Variants in SCAND1 observed in about 807,000 individuals in gnomAD.
SCAND1 encodes SCAN domain-containing protein 1.
Under a neutral mutation model 3.4 loss-of-function variants are expected in SCAND1, and 3 were observed. The observed-to-expected ratio is 0.87, with a 90% CI of 0.40 to 2.25. The LOEUF (loss-of-function observed/expected upper bound fraction) is 2.25. SCAND1 is among the 30% of genes most tolerant of loss of function. The pLI is 0.05. For synonymous variants in SCAND1, 152 were observed against 120.5 expected (o/e 1.26, Z -1.72); for missense variants, 303 against 258.8 (o/e 1.17, Z -1.17).
In SCAND1 at chr20:35,954,059, G is replaced by A. The variant is rs2056212002; in HGVS notation, c.226C>T (p.Leu76Phe). The stretch of plus-strand genomic sequence containing the variant: ...GCTACGCTCACGGGTGCGGGCCCGA[G>A]AGGCAGCTCCAGGGCCGCGGAGGCC... ...AAASAALELP[L>F]GPAPVSVAPQ... The change falls in exon 2 of 2, where the codon CTC becomes TTC. Residue 76 changes from leucine (L) to phenylalanine (F), a missense_variant. Transcript: ENST00000305978. The A allele has an allele frequency of 6.5e-7, 1 of 1,540,460 alleles. No homozygotes were observed. Among genetic ancestry groups the A allele is most frequent in the Non-Finnish European group, 8.8e-7 (1 of 1,141,564 alleles).
chr20:35,957,653 A>G (rs1450847509), upstream of SCAND1: 1 of 152,216 alleles, frequency 6.6e-6, no homozygotes, highest in Non-Finnish European at 1.5e-5. Flanking sequence ...TATATCCTTG[A>G]ACCCTCCCAG....
In SCAND1 at chr20:35,954,255, GGCC is replaced by G. The variant is rs1322510139; in HGVS notation, c.27_29del (p.Ala10del). On this transcript the variant is annotated inframe_deletion, in exon 2 of 2. Transcript: ENST00000305978. Reference sequence around the variant, plus strand: ...GTGGCACCGCCGCGGGACTCCCAGTGGCCGCCAAGATCGGCTCCGTAGCCGCCA... The same window carrying G: ...GTGGCACCGCCGCGGGACTCCCAGTGGCCAAGATCGGCTCCGTAGCCGCCA... The G allele has an allele frequency of 5.0e-6, 8 of 1,613,126 alleles. No homozygotes were observed. The highest frequency in any genetic ancestry group is 1.3e-5 in the African/African-American group (1 of 75,058).
upstream of SCAND1, chr20:35,954,568 T>C: frequency 6.9e-7 from 1 of 1,458,894 alleles, no homozygotes; most frequent in South Asian, 1.2e-5. Flanking sequence ...CCCTCTAGCG[T>C]TCTCGAGTCG....
upstream of SCAND1, chr20:35,959,330 T>C (rs539995112): frequency 1.1e-4 from 16 of 151,444 alleles, no homozygotes; most frequent in Admixed American, 6.6e-4. Flanking sequence ...TTATTATTAG[T>C]GTATTAGTCT....
rs2056209322 is a variant in SCAND1 at position 35,953,990 on chromosome 20, C to T, written c.295G>A (p.Gly99Ser). Reference protein sequence around the residue: ...AEARSTPGPAGSRLGPETFRQ... With the variant: ...AEARSTPGPASSRLGPETFRQ... ...AACGTCTCGGGACCGAGTCTAGAGC[C>T]GGCGGGGCCTGGTGTGGAGCGCGCT... is the stretch of plus-strand genomic sequence containing the variant. Residue 99 changes from glycine (G) to serine (S), a missense_variant, in exon 2 of 2, where the codon GGC becomes AGC. By Grantham distance (56) the Gly-to-Ser change is moderately conservative. Transcript: ENST00000305978. The T allele has an allele frequency of 6.4e-7, 1 of 1,552,232 alleles. No individual in the cohort carries two copies. The highest frequency in any genetic ancestry group is 1.2e-5 in the South Asian group (1 of 84,760).
At chr20:35,959,048 CT>C (rs1461309906), upstream of SCAND1, 2 of 152,122 alleles carry the variant, frequency 1.3e-5, no homozygotes, top group African/African-American at 4.8e-5. Flanking sequence ...TTGTCTCCAC[CT>C]TTGAGCTGTT....
Position 35,954,136 on chromosome 20 carries a change from G to C in SCAND1, c.149C>G (p.Pro50Arg), listed in dbSNP as rs1202694385. ...AGGGACCGCGGCGTTGGGACTGGAA[G>C]GCTCAGGGGCAGGCGGTGAGGCCTC... ...LPEASPPAPE[P>R]SSPNAAVPEA... Residue 50 changes from proline (P) to arginine (R), a missense_variant, in exon 2 of 2, where the codon CCT (proline) becomes CGT (arginine). Coordinates refer to ENST00000305978, the MANE Select transcript of SCAND1 (RefSeq NM_033630.3). 1.3e-6 allele frequency: 2 copies of C among 1,568,748 alleles called. No homozygotes were observed. The highest frequency in any genetic ancestry group is 1.7e-6 in the Non-Finnish European group (2 of 1,156,882).
At chr20:35,954,563 T>G, upstream of SCAND1, 3 of 1,464,880 alleles carry the variant, frequency 2.0e-6, no homozygotes, top group Non-Finnish European at 9.1e-7. Flanking sequence ...CGGCGCCCTC[T>G]AGCGTTCTCG....
upstream of SCAND1, chr20:35,954,512 GGC>G: frequency 7.2e-6 from 11 of 1,532,472 alleles, no homozygotes; most frequent in Non-Finnish European, 9.7e-6. Context: ...CGTCCAGGTC[GGC>G]GCGCGAGCAC....
chr20:35,954,575 G>A (rs1408262239), upstream of SCAND1: 31 of 1,453,178 alleles, frequency 2.1e-5, no homozygotes, highest in Non-Finnish European at 2.8e-5. Flanking sequence ...GCGTTCTCGA[G>A]TCGCATGAGG....
rs930339011 is a variant in SCAND1, at chr20:35,953,804, G to A, written c.481C>T (p.Pro161Ser). Reference protein sequence around the residue: ...LVQEQLLAILPEAARARRIRR... With the variant: ...LVQEQLLAILSEAARARRIRR... Reference sequence around the variant, plus strand: ...ATCCGCCGGGCCCGAGCCGCCTCGGGCAGGATGGCGAGCAGCTGCTCTTGC... The same window carrying A: ...ATCCGCCGGGCCCGAGCCGCCTCGGACAGGATGGCGAGCAGCTGCTCTTGC... The change falls in exon 2 of 2, where the codon CCC becomes TCC. Residue 161 changes from proline to serine, a missense_variant. Coordinates refer to ENST00000305978, the MANE Select transcript of SCAND1 (RefSeq NM_033630.3). 23 of 1,539,518 alleles carry A rather than the reference G, an allele frequency of 1.5e-5. No individual in the cohort carries two copies. The highest frequency in any genetic ancestry group is 1.9e-5 in the Non-Finnish European group (22 of 1,145,218).
Position 35,954,329 on chromosome 20 carries a change from C to G in SCAND1, c.-45G>C. ...ACTCTTTGTCCGGTAGCTGTGTGCTCAGCACTGCGTCTGCGCGGGGGTGGG... is the reference window on the plus strand; with the variant it reads ...ACTCTTTGTCCGGTAGCTGTGTGCTGAGCACTGCGTCTGCGCGGGGGTGGG... On this transcript the variant is annotated 5_prime_UTR_variant, in exon 2 of 2. Transcript: ENST00000305978. The G allele has an allele frequency of 6.2e-7, 1 of 1,612,092 alleles. No homozygotes were observed. The highest frequency in any genetic ancestry group is 1.1e-5 in the South Asian group (1 of 90,692).
upstream of SCAND1, among the ~76,000 whole-genome samples, chr20:35,955,632 TA>T (rs1381017902): frequency 2.0e-5 from 3 of 152,182 alleles, no homozygotes; most frequent in Admixed American, 2.0e-4. Flanking sequence ...TTCTTATCAG[TA>T]AAATGTGGAT....
rs773188060 is a variant in SCAND1 at position 35,953,721 on chromosome 20, C to G, written c.*24G>C. The stretch of plus-strand genomic sequence containing the variant: ...CCCCAGTCCGCACAGAGCGCCCGGC[C>G]CTGGCCGCCCGCAGCTCCACCGCTC... On this transcript the variant is annotated 3_prime_UTR_variant, in exon 2 of 2. Transcript: ENST00000305978. The G allele has an allele frequency of 7.1e-7, 1 of 1,405,312 alleles. No individual in the cohort carries two copies. The highest frequency in any genetic ancestry group is 2.8e-5 in the East Asian group (1 of 35,988). The allele number at this position is 1,405,312 out of a possible 1,614,324, so 87.1% of individuals were successfully genotyped here.
In SCAND1 at chr20:35,954,243, G is replaced by A. The variant is rs1360328666; in HGVS notation, c.42C>T (p.Pro14=). 1.2e-6 allele frequency: 2 copies of A among 1,612,964 alleles called. No homozygotes were observed. The highest frequency in any genetic ancestry group is 1.7e-6 in the Non-Finnish European group (2 of 1,179,928). The change falls in exon 2 of 2, where the codon CCC becomes CCT. Residue 14 remains proline (P), a synonymous_variant. Transcript: ENST00000305978. ...CCAGTTTCTCCGGTGGCACCGCCGC[G>A]GGACTCCCAGTGGCCGCCAAGATCG... The part of the protein sequence containing the change: ...TEPILAATGS[P]AAVPPEKLEG...
chr20:35,958,679 T>C (rs1228242986), upstream of SCAND1, among the ~76,000 whole-genome samples: 1 of 152,034 alleles, frequency 6.6e-6, no homozygotes, highest in East Asian at 1.9e-4. Flanking sequence ...TGCAATTTTA[T>C]CGTGTGTGGA....
rs556551814 is a variant in SCAND1 at position 35,954,486 on chromosome 20, G to A, written c.-94C>T. The A allele has an allele frequency of 5.8e-6, 9 of 1,545,114 alleles. No individual in the cohort carries two copies. The highest frequency in any genetic ancestry group is 4.1e-5 in the African/African-American group (3 of 73,000). On this transcript the variant is annotated 5_prime_UTR_variant, in exon 1 of 2. Transcript: ENST00000305978. ...GCGCCTGCGGCAGCCGGAAGCGAAA[G>A]TCTCTGGCTTCTCTGCGTCCAGGTC...
Position 35,954,141 on chromosome 20 carries a change from A to AG in SCAND1, c.143dup (p.Glu49Ter), listed in dbSNP as rs1186432125. 2 of 1,577,050 alleles carry AG rather than the reference A, an allele frequency of 1.3e-6. No homozygotes were observed. Among genetic ancestry groups the AG allele is most frequent in the Non-Finnish European group, 1.7e-6 (2 of 1,162,058 alleles). On this transcript the variant is annotated frameshift_variant, in exon 2 of 2. Transcript: ENST00000305978. LOFTEE classifies it low-confidence loss of function (END_TRUNC). The stretch of plus-strand genomic sequence containing the variant: ...CCGCGGCGTTGGGACTGGAAGGCTC[A>AG]GGGGCAGGCGGTGAGGCCTCTGGCA...
upstream of SCAND1, chr20:35,955,417 A>G (rs2056245090): frequency 6.6e-6 from 1 of 152,216 alleles, no homozygotes; most frequent in South Asian, 2.1e-4. Context: ...TTTAAATTGC[A>G]TGTGCAGTTT....
Sources: allele counts gnomAD v4.1 joint callset (sites outside exome capture counted in the v4.1 genomes callset), GRCh38; gene constraint gnomAD v4.1.1; transcripts MANE v1.5; gene names NCBI Gene and HGNC (gene_info 2026-07-23, HGNC 2026-07-21).